Variants in KAZN observed in about 807,000 individuals in gnomAD.
KAZN encodes the protein kazrin.
KAZN carries 40 observed loss-of-function variants against 87.4 expected under a neutral mutation model. The observed-to-expected ratio is 0.46, with a 90% CI of 0.36 to 0.60. The LOEUF is 0.60. Ranked by LOEUF, KAZN falls within the 20% of genes least tolerant of loss-of-function variation. The pLI is 0.00. For missense variants in KAZN, 898 were observed against 1,073.9 expected (o/e 0.84, Z 2.29); for synonymous variants, 466 against 458.3 (o/e 1.02, Z -0.22).
rs534372151 is a variant in KAZN at position 14,962,144 on chromosome 1, G to C, written c.418+1269G>C. On this transcript the variant is annotated intron_variant, in intron 2 of 14. Transcript: ENST00000376030. ...GAGCCAATTCCCTGACAAGGGGTGT[G>C]ATGTGGGCAGCAGGCCAAGAAGGCT... 2.6e-5 allele frequency among the ~76,000 whole-genome samples: 4 copies of C among 152,390 alleles called. No homozygotes were observed. In the South Asian group the frequency reaches 8.3e-4, roughly 32 times the overall value.
intron 1 of KAZN, among the ~76,000 whole-genome samples, chr1:14,783,615 T>C (rs888488174): frequency 2.0e-5 from 3 of 152,174 alleles, no homozygotes; most frequent in Non-Finnish European, 2.9e-5. Context: ...TGCTAAGAAA[T>C]GATCCCACTG....
intron 1 of KAZN, among the ~76,000 whole-genome samples, chr1:14,085,281 A>G (rs2101602559): frequency 6.6e-6 from 1 of 152,306 alleles, no homozygotes; most frequent in Middle Eastern, 3.4e-3. Flanking sequence ...TTGGGGCATA[A>G]TTTACGTAAG....
At chr1:14,153,601 C>T (rs539765110) in intron 1 of KAZN, among the ~76,000 whole-genome samples, 62 of 149,732 alleles carry the variant, frequency 4.1e-4, no homozygotes, top group Admixed American at 8.7e-4. Flanking sequence ...ATGGAGAAAC[C>T]CTGTCTCTAC....
chr1:14,455,559 G>A (rs1667523460), intron 2 of KAZN, among the ~76,000 whole-genome samples: 1 of 152,154 alleles, frequency 6.6e-6, no homozygotes, highest in Non-Finnish European at 1.5e-5. Context: ...CCAGAATTGG[G>A]AATTTTGACA....
chr1:14,723,046 A>G (rs974518995), intron 1 of KAZN, among the ~76,000 whole-genome samples: 1 of 152,044 alleles, frequency 6.6e-6, no homozygotes, highest in Admixed American at 6.5e-5. Flanking sequence ...GGATCACTTG[A>G]GCCCGGGAAG....
intron 1 of KAZN, among the ~76,000 whole-genome samples, chr1:14,013,109 A>T (rs552197965): frequency 6.6e-6 from 1 of 152,048 alleles, no homozygotes; most frequent in African/African-American, 2.4e-5. Flanking sequence ...CCCTGAGTCC[A>T]CTTTTCCGGA....
intron 2 of KAZN, among the ~76,000 whole-genome samples, chr1:14,253,405 A>G (rs1008521231): frequency 1.3e-5 from 2 of 152,210 alleles, no homozygotes; most frequent in East Asian, 3.8e-4. Flanking sequence ...AGTGTTCATC[A>G]CATAAGGTAA....
chr1:14,160,122 T>C (rs752928679), intron 1 of KAZN, among the ~76,000 whole-genome samples: 11 of 152,188 alleles, frequency 7.2e-5, no homozygotes, highest in Non-Finnish European at 1.5e-4. Context: ...CTGGGCCCAG[T>C]TCAGCACTAG....
chr1:14,872,831 A>G (rs1652292094), intron 1 of KAZN, among the ~76,000 whole-genome samples: 1 of 144,444 alleles, frequency 6.9e-6, no homozygotes, highest in Non-Finnish European at 1.5e-5. Flanking sequence ...TGGAAGGACA[A>G]ATGGATGGAT....
intron 1 of KAZN, among the ~76,000 whole-genome samples, chr1:14,783,390 T>C (rs1645414377): frequency 6.6e-6 from 1 of 151,852 alleles, no homozygotes; most frequent in South Asian, 2.1e-4. Flanking sequence ...AGAGAACTGA[T>C]AAAAACCAAC....
At chr1:15,052,654 G>A (rs1433251640) in intron 4 of KAZN, among the ~76,000 whole-genome samples, 1 of 152,104 alleles carries the variant, frequency 6.6e-6, no homozygotes, top group Non-Finnish European at 1.5e-5. Context: ...GTGAAAGCAG[G>A]TGCATGTATT....
Position 14,164,770 on chromosome 1 carries a change from C to G in KAZN, c.92-15665C>G, listed in dbSNP as rs374422126. Among the ~76,000 whole-genome samples, 19 of 152,120 alleles carry G rather than the reference C, an allele frequency of 1.2e-4. 1 individual carries two copies. In the East Asian group the frequency reaches 2.7e-3, roughly 22 times the overall value. ...GGTCAGGCTGGTCCCAAATCCTAAC[C>G]TCAGGTGATCCGCCTGCCTCGGCCT... On this transcript the variant is annotated intron_variant, in intron 1 of 16. Coordinates refer to the KAZN transcript ENST00000636203.
At chr1:14,130,632 A>T (rs1644972915) in intron 1 of KAZN, among the ~76,000 whole-genome samples, 2 of 151,536 alleles carry the variant, frequency 1.3e-5, no homozygotes, top group African/African-American at 4.9e-5. Context: ...GAGTAAAAGT[A>T]GTCCTTATTT....
At chr1:14,094,063 C>T (rs893272401) in intron 1 of KAZN, among the ~76,000 whole-genome samples, 13 of 152,058 alleles carry the variant, frequency 8.5e-5, no homozygotes, top group African/African-American at 1.7e-4. Context: ...TTAGGTATTA[C>T]GGGTGGCTTT....
intron 2 of KAZN, among the ~76,000 whole-genome samples, chr1:14,556,399 G>T (rs527962862): frequency 1.1e-4 from 16 of 152,164 alleles, no homozygotes; most frequent in African/African-American, 3.9e-4. Context: ...GTGAGCCCCC[G>T]TGCCCGGCGG....
chr1:14,825,252 T>C (rs917287108), intron 1 of KAZN, among the ~76,000 whole-genome samples: 2 of 152,246 alleles, frequency 1.3e-5, no homozygotes, highest in Non-Finnish European at 2.9e-5. Context: ...TCAGAGATCC[T>C]ATGACTCCTT....
At chr1:14,334,302 T>C (rs1276251640) in intron 2 of KAZN, among the ~76,000 whole-genome samples, 4 of 130,364 alleles carry the variant, frequency 3.1e-5, no homozygotes, top group Admixed American at 9.5e-5. Flanking sequence ...GAAGCAGAGG[T>C]TGCAGTGAGC....
At chr1:14,847,386 CAG>C in intron 1 of KAZN, among the ~76,000 whole-genome samples, 1 of 152,290 alleles carries the variant, frequency 6.6e-6, no homozygotes, top group African/African-American at 2.4e-5. Context: ...TTGCTCTGCC[CAG>C]AGTCTCAAAG....
intron 2 of KAZN, among the ~76,000 whole-genome samples, chr1:14,263,717 T>C (rs1251923384): frequency 1.3e-5 from 2 of 152,184 alleles, no homozygotes; most frequent in Non-Finnish European, 2.9e-5. Flanking sequence ...TTGTATGAGG[T>C]AGAAATGTAA....
Sources: allele counts gnomAD v4.1 joint callset (sites outside exome capture counted in the v4.1 genomes callset), GRCh38; gene constraint gnomAD v4.1.1; transcripts MANE v1.5; gene names NCBI Gene and HGNC (gene_info 2026-07-23, HGNC 2026-07-21).